TRMT61B: variants seen among roughly 807,000 people sequenced by gnomAD.
TRMT61B encodes the protein tRNA methyltransferase 61B, also known as tRNA (adenine(58)-N(1))-methyltransferase, mitochondrial.
In TRMT61B, 56 loss-of-function variants were observed where a neutral mutation model predicts 52.0. The ratio of observed to expected loss-of-function variants is 1.08; its 90% CI spans 0.87 to 1.35. The LOEUF is 1.35. Ranked by LOEUF, TRMT61B falls within the 40% of genes most tolerant of loss-of-function variation. TRMT61B has a pLI of 0.00. For synonymous variants in TRMT61B, 206 were observed against 220.0 expected, an observed-to-expected ratio of 0.94 and a Z score of 0.56; for missense variants, 650 against 577.9, an observed-to-expected ratio of 1.12 and a Z score of -1.28.
chr2:28,854,999 G>A (rs576231966), intron 3 of TRMT61B, among the ~76,000 whole-genome samples: 2 of 152,104 alleles, frequency 1.3e-5, no homozygotes, highest in African/African-American at 4.8e-5. Flanking sequence ...TACATAGACT[G>A]GTCAGTGAAG....
At chr2:28,864,741 TATATTCCA>T (rs1669756132) in intron 2 of TRMT61B, among the ~76,000 whole-genome samples, 4 of 152,124 alleles carry the variant, frequency 2.6e-5, no homozygotes, top group African/African-American at 9.7e-5. Context: ...GTAGCCATAT[TATATTCCA>T]ATAAAAAGTA....
In TRMT61B at chr2:28,850,495, T is replaced by C. The variant is rs1448274589; in HGVS notation, c.1313-90A>G. 4.8e-6 allele frequency: 4 copies of C among 841,094 alleles called. No individual in the cohort carries two copies. In the African/African-American group the frequency reaches 6.9e-5, roughly 15 times the overall value. 52.1% of individuals were successfully genotyped at this position (841,094 alleles called of 1,614,324 possible). A position where few individuals can be genotyped will look rare whatever the true frequency, so the allele number is the denominator to read the frequency against. ...GTTAAAATATGAGTTACTCTCTTTATTGTAAGTTTTTTCTTTATTTATTTC... is the reference window on the plus strand; with the variant it reads ...GTTAAAATATGAGTTACTCTCTTTACTGTAAGTTTTTTCTTTATTTATTTC... On this transcript the variant is annotated intron_variant, in intron 5 of 6. Coordinates refer to ENST00000306108, the MANE Select transcript of TRMT61B (RefSeq NM_017910.4).
intron 3 of TRMT61B, among the ~76,000 whole-genome samples, chr2:28,855,155 G>A (rs1669289463): frequency 6.6e-6 from 1 of 152,138 alleles, no homozygotes; most frequent in Non-Finnish European, 1.5e-5. Flanking sequence ...TCACTGCAGT[G>A]GAGATAAAAG....
intron 1 of TRMT61B, among the ~76,000 whole-genome samples, chr2:28,868,212 C>T (rs1381084000): frequency 6.6e-6 from 1 of 152,138 alleles, no homozygotes; most frequent in African/African-American, 2.4e-5. Flanking sequence ...ACACCTCATA[C>T]GGGGTCCCTC....
chr2:28,863,162 G>A (rs749083421), intron 2 of TRMT61B, among the ~76,000 whole-genome samples: 41 of 151,828 alleles, frequency 2.7e-4, no homozygotes, highest in South Asian at 8.3e-4. Flanking sequence ...TAAGCTGGGC[G>A]TGGTGCCCCA....
chr2:28,865,088 A>C lies in TRMT61B; in HGVS notation c.731T>G (p.Ile244Ser). Residue 244 changes from isoleucine (I) to serine (S), a missense_variant, in exon 2 of 7, where the codon ATC (isoleucine) becomes AGC (serine). Transcript: ENST00000306108. The stretch of plus-strand genomic sequence containing the variant: ...TTCCAAAACAGTATCACCTGGGTTG[A>C]TATCCATCATTGAGAGAATCATATT... ...DINMILSMMD[I>S]NPGDTVLEAG... 1 of 1,612,120 alleles carries C rather than the reference A, an allele frequency of 6.2e-7. No homozygotes were observed. The highest frequency in any genetic ancestry group is 1.3e-5 in the African/African-American group (1 of 75,036).
intron 6 of TRMT61B, 32 bp from the exon 7 acceptor site, chr2:28,850,274 T>C: frequency 6.2e-7 from 1 of 1,603,842 alleles, no homozygotes; most frequent in Non-Finnish European, 8.5e-7. Flanking sequence ...ATAAAGTCAT[T>C]ATATTAATTA....
At chr2:28,857,430 G>C (rs1298249723) in intron 3 of TRMT61B, among the ~76,000 whole-genome samples, 1 of 152,034 alleles carries the variant, frequency 6.6e-6, no homozygotes, top group African/African-American at 2.4e-5. Context: ...ATGATGAAAG[G>C]ATATTTCACA....
intron 2 of TRMT61B, chr2:28,861,584 T>A: frequency 2.9e-6 from 1 of 349,830 alleles, no homozygotes; most frequent in Non-Finnish European, 5.2e-6. Flanking sequence ...TGGTGTATTA[T>A]ACACACTGTC....
intron 2 of TRMT61B, among the ~76,000 whole-genome samples, chr2:28,862,864 TTGTGTGTGTGTGTG>T (rs34139201): frequency 0.037 from 5,348 of 143,996 alleles, 350 homozygotes; most frequent in African/African-American, 0.13. Context: ...GTATTTGTAT[TTGTGTGTGTGTGTG>T]TGTGTGTGTG....
intron 2 of TRMT61B, among the ~76,000 whole-genome samples, chr2:28,863,386 A>G (rs1669689844): frequency 6.6e-6 from 1 of 151,764 alleles, no homozygotes; most frequent in South Asian, 2.1e-4. Flanking sequence ...AGCCACGATC[A>G]TACCACTGCA....
chr2:28,852,462 G>A lies in TRMT61B; in HGVS notation c.1031C>T (p.Pro344Leu), dbSNP rs892053357. The change falls in exon 4 of 7, where the codon CCT becomes CTT. Residue 344 changes from proline to leucine, a missense_variant. Coordinates refer to ENST00000306108, the MANE Select transcript of TRMT61B (RefSeq NM_017910.4). ...ATGCTTAAGATGTGGGTAAAAAACA[G>A]GCAAAGTAACATGAGGATTTAACAT... ...LDMLNPHVTL[P>L]VFYPHLKHGG... 6.2e-7 allele frequency: 1 copy of A among 1,612,692 alleles called. No homozygotes were observed. Among genetic ancestry groups the A allele is most frequent in the Non-Finnish European group, 8.5e-7 (1 of 1,179,008 alleles).
Position 28,869,736 on chromosome 2 carries a change from T to A in TRMT61B, c.542A>T (p.Asn181Ile), listed in dbSNP as rs750624394. ...LFRLNNFGLL[N>I]SNWGAVPFGK... ...GAACGGGACTGCCCCCCAGTTACTATTTAAGAGTCCGAAGTTGTTCAACCT... is the reference window on the plus strand; with the variant it reads ...GAACGGGACTGCCCCCCAGTTACTAATTAAGAGTCCGAAGTTGTTCAACCT... Residue 181 changes from asparagine (N) to isoleucine (I), a missense_variant, in exon 1 of 7, where the codon AAT becomes ATT. Asn to Ile is a moderately radical substitution (Grantham distance 149, BLOSUM62 -3). Coordinates refer to ENST00000306108, the MANE Select transcript of TRMT61B (RefSeq NM_017910.4). 1 of 1,614,230 alleles carries A rather than the reference T, an allele frequency of 6.2e-7. No homozygotes were observed. Among genetic ancestry groups the A allele is most frequent in the Admixed American group, 1.7e-5 (1 of 60,026 alleles).
intron 3 of TRMT61B, among the ~76,000 whole-genome samples, chr2:28,856,190 T>C (rs1313321085): frequency 6.6e-6 from 1 of 152,210 alleles, no homozygotes; most frequent in East Asian, 1.9e-4. Flanking sequence ...CATCATTTTC[T>C]TTTTTCAAAG....
intron 2 of TRMT61B, among the ~76,000 whole-genome samples, chr2:28,862,308 T>C (rs1558346659): frequency 6.7e-6 from 1 of 149,734 alleles, no homozygotes; most frequent in African/African-American, 2.4e-5. Context: ...AAGTTTATCA[T>C]TTTTAATGTA....
At chr2:28,858,286 C>T (rs1025030517) in intron 3 of TRMT61B, among the ~76,000 whole-genome samples, 7 of 152,022 alleles carry the variant, frequency 4.6e-5, no homozygotes, top group Non-Finnish European at 8.8e-5. Context: ...GTGATCTGCC[C>T]GCCTCGGCCT....
rs897474433 is a variant in TRMT61B at position 28,851,142 on chromosome 2, G to A, written c.1242C>T (p.Asn414=). The A allele has an allele frequency of 1.2e-6, 2 of 1,613,300 alleles. No homozygotes were observed. Among genetic ancestry groups the A allele is most frequent in the African/African-American group, 2.7e-5 (2 of 74,988 alleles). Residue 414 remains asparagine (N), a synonymous_variant, in exon 5 of 7, where the codon AAC becomes AAT. Transcript: ENST00000306108. ...CTTGAGAATCTAGTTGTACATCTGTGTTGATTTTAGATTCTACTTTTTGAG... is the reference window on the plus strand; with the variant it reads ...CTTGAGAATCTAGTTGTACATCTGTATTGATTTTAGATTCTACTTTTTGAG... ...ILAQKVESKI[N]TDVQLDSQEK... is the part of the protein sequence containing the mutation.
rs1162085345 is a variant in TRMT61B at position 28,865,004 on chromosome 2, T to A, written c.802+13A>T. On this transcript the variant is annotated intron_variant, in intron 2 of 6. Transcript: ENST00000306108. ...TCTTTGTTACTGAGATCCAGCTCAG[T>A]CCAATCTCTTACCTGCTTTGGATAA... The A allele has an allele frequency of 6.5e-7, 1 of 1,532,458 alleles. No homozygotes were observed. The highest frequency in any genetic ancestry group is 1.1e-5 in the South Asian group (1 of 89,186). The allele number at this position is 1,532,458 out of a possible 1,614,324, so 94.9% of individuals were successfully genotyped here.
At position 28,851,179 on chromosome 2, in the gene TRMT61B, T is replaced by C; in HGVS notation, c.1205A>G (p.Asn402Ser). 1 of 1,613,514 alleles carries C rather than the reference T, an allele frequency of 6.2e-7. No individual in the cohort carries two copies. Among genetic ancestry groups the C allele is most frequent in the Non-Finnish European group, 8.5e-7 (1 of 1,179,824 alleles). Residue 402 changes from asparagine (N) to serine (S), a missense_variant, in exon 5 of 7, where the codon AAT becomes AGT. Coordinates refer to ENST00000306108, the MANE Select transcript of TRMT61B (RefSeq NM_017910.4). ...TTCTACTTTTTGAGCTAAAATTCCA[T>C]TTTTCTGTTTTGCAAGGCAAACCAA... ...DWLVCLAKQK[N>S]GILAQKVESK...
Sources: gnomAD v4.1 joint callset for allele counts (sites outside exome capture counted in the v4.1 genomes callset) on GRCh38, gnomAD v4.1.1 for gene constraint, MANE v1.5 for transcripts, NCBI Gene and HGNC (gene_info 2026-07-23, HGNC 2026-07-21) for gene names.